The following KCNH1 variants were observed in gnomAD, a reference collection of about 807,000 sequenced individuals.
KCNH1 encodes potassium voltage-gated channel subfamily H member 1.
KCNH1 carries 27 observed loss-of-function variants against 69.2 expected under a neutral mutation model. That is an observed-to-expected ratio of 0.39 (90% CI 0.29 to 0.54). The LOEUF is 0.54. KCNH1 is among the 20% of genes least tolerant of loss of function. The pLI is 0.68. For synonymous variants in KCNH1, 456 were observed against 487.7 expected (o/e 0.93, Z 0.86); for missense variants, 798 against 1,261.6 (o/e 0.63, Z 5.57).
intron 10 of KCNH1, among the ~76,000 whole-genome samples, chr1:210,730,087 G>T (rs940051198): frequency 6.6e-6 from 1 of 152,148 alleles, no homozygotes; most frequent in Non-Finnish European, 1.5e-5. Flanking sequence ...CAGTGGTCTT[G>T]TTTTCCAGAG....
Position 211,082,804 on chromosome 1 carries a change from G to A in KCNH1, c.534C>T (p.Val178=), listed in dbSNP as rs1288411763. ...CCTCTGCCAGGCGGGAGTGCTTGTG[G>A]ACATTCTCGCCTTTTTGCACGCTTG... ...LAPSVQKGEN[V]HKHSRLAEVL... The change falls in exon 5 of 11, where the codon GTC becomes GTT. Residue 178 remains valine, a synonymous_variant. Coordinates refer to ENST00000271751, the MANE Select transcript of KCNH1 (RefSeq NM_172362.3). 6.2e-7 allele frequency: 1 copy of A among 1,614,012 alleles called. No homozygotes were observed. Among genetic ancestry groups the A allele is most frequent in the South Asian group, 1.1e-5 (1 of 91,078 alleles).
intron 6 of KCNH1, among the ~76,000 whole-genome samples, chr1:210,983,178 T>C (rs1290837627): frequency 6.6e-6 from 1 of 152,210 alleles, no homozygotes; most frequent in African/African-American, 2.4e-5. Flanking sequence ...TAGCCATTTG[T>C]CAGATGAGTA....
In KCNH1 at chr1:210,929,272, T is replaced by C. The variant is rs541046963; in HGVS notation, c.1033-9203A>G. On this transcript the variant is annotated intron_variant, in intron 6 of 10. Coordinates refer to ENST00000271751, the MANE Select transcript of KCNH1 (RefSeq NM_172362.3). The stretch of plus-strand genomic sequence containing the variant: ...TCCCTGATGAACATAGATTAAAAAA[T>C]CCTTAACAAAATACTAGCAAACTGA... 3.5e-4 allele frequency among the ~76,000 whole-genome samples: 53 copies of C among 152,056 alleles called. 1 individual carries two copies. Among genetic ancestry groups the C allele is most frequent in the African/African-American group, 1.3e-3 (53 of 41,450 alleles).
Position 211,133,902 on chromosome 1 carries a change from T to A in KCNH1, c.44A>T (p.Asn15Ile). ...CCGAACAATATTCTCCAGAAACGTG[T>A]TTTGAGGGGCCACTAGTCCCCTCCT... ...GGRRGLVAPQ[N>I]TFLENIVRRS... Residue 15 changes from asparagine to isoleucine, a missense_variant, in exon 1 of 11, where the codon AAC becomes ATC. Around this residue, in one of 4 missense-constraint regions of KCNH1, gnomAD observed 266 missense variants for 457.2 expected, o/e 0.58. Coordinates refer to ENST00000271751, the MANE Select transcript of KCNH1 (RefSeq NM_172362.3). The surrounding 1 kb of genome is among the most constrained non-coding windows in gnomAD (Gnocchi z 5.4). 1 of 1,611,820 alleles carries A rather than the reference T, an allele frequency of 6.2e-7. No individual in the cohort carries two copies. The highest frequency in any genetic ancestry group is 8.5e-7 in the Non-Finnish European group (1 of 1,179,148).
chr1:211,062,086 C>G (rs1558587801), intron 5 of KCNH1, among the ~76,000 whole-genome samples: 1 of 152,006 alleles, frequency 6.6e-6, no homozygotes, highest in Non-Finnish European at 1.5e-5. Flanking sequence ...CTGTAATAAC[C>G]AAAATAGCAC....
At chr1:210,736,430 C>G (rs1324448734) in intron 10 of KCNH1, among the ~76,000 whole-genome samples, 1 of 152,028 alleles carries the variant, frequency 6.6e-6, no homozygotes, top group Non-Finnish European at 1.5e-5. Context: ...TGCCTGTAAT[C>G]CCAGCTAGTC....
chr1:211,031,245 T>C (rs983861744), intron 5 of KCNH1, among the ~76,000 whole-genome samples: 1 of 152,108 alleles, frequency 6.6e-6, no homozygotes, highest in Non-Finnish European at 1.5e-5. Context: ...ATTGAGGCAA[T>C]AATTAATAGC....
At chr1:211,101,385 T>C (rs1691254935) in intron 3 of KCNH1, among the ~76,000 whole-genome samples, 1 of 152,202 alleles carries the variant, frequency 6.6e-6, no homozygotes, top group South Asian at 2.1e-4. Context: ...TCAAGTTTCT[T>C]AATTCCTCAA....
intron 10 of KCNH1, among the ~76,000 whole-genome samples, chr1:210,760,978 C>T (rs1016408660): frequency 1.7e-4 from 26 of 152,200 alleles, no homozygotes; most frequent in Admixed American, 1.3e-3. Context: ...AAAGGCCGGG[C>T]GCGGTGGCTC....
At chr1:211,051,610 C>T (rs1690206661) in intron 5 of KCNH1, among the ~76,000 whole-genome samples, 1 of 152,134 alleles carries the variant, frequency 6.6e-6, no homozygotes, top group African/African-American at 2.4e-5. Flanking sequence ...ATAAGTGCCT[C>T]CTGGCTGATG....
Position 210,712,782 on chromosome 1 carries a change from T to G in KCNH1, c.2113-28644A>C, listed in dbSNP as rs76603291. ...CCTGTTATAAGTTCATTGAAAGGGT[T>G]CTGAGAGCTGCATACCCACATTAAC... On this transcript the variant is annotated intron_variant, in intron 10 of 10. Transcript: ENST00000271751. Among the ~76,000 whole-genome samples the G allele has an allele frequency of 0.016, 2,408 of 152,284 alleles. 183 individuals are homozygous for G. The East Asian group carries it at 0.23, about 15-fold the overall frequency.
In KCNH1 at chr1:210,709,742, AAGAGAGAG is replaced by A. The variant is rs35326611; in HGVS notation, c.2113-25612_2113-25605del. Among the ~76,000 whole-genome samples the A allele has an allele frequency of 9.0e-5, 13 of 145,030 alleles. 1 individual carries two copies. Among genetic ancestry groups the A allele is most frequent in the Admixed American group, 2.0e-4 (3 of 14,768 alleles). On this transcript the variant is annotated intron_variant, in intron 10 of 10. Coordinates refer to ENST00000271751, the MANE Select transcript of KCNH1 (RefSeq NM_172362.3). ...GAAAGAAGAGAGAGAGAGAGAGAGAAAGAGAGAGAGAGAGAGAGAGAGAAATGATAGCT... is the reference window on the plus strand; with the variant it reads ...GAAAGAAGAGAGAGAGAGAGAGAGAAAGAGAGAGAGAGAGAAATGATAGCT...
chr1:210,892,717 T>A (rs1034490249), intron 7 of KCNH1, among the ~76,000 whole-genome samples: 1 of 152,104 alleles, frequency 6.6e-6, no homozygotes, highest in Non-Finnish European at 1.5e-5. Flanking sequence ...GAATCTACTA[T>A]CCCCAAACAC....
chr1:210,972,839 A>G (rs545969858), intron 6 of KCNH1, among the ~76,000 whole-genome samples: 4 of 151,906 alleles, frequency 2.6e-5, no homozygotes, highest in African/African-American at 9.7e-5. Context: ...AACCTCTATA[A>G]CAAATCCTTT....
At chr1:210,983,913 G>A (rs1370926674) in intron 6 of KCNH1, among the ~76,000 whole-genome samples, 1 of 152,152 alleles carries the variant, frequency 6.6e-6, no homozygotes, top group African/African-American at 2.4e-5. Context: ...AGCATGGAAT[G>A]TTCTTCCATT....
Position 210,919,497 on chromosome 1 carries a change from A to G in KCNH1, c.1462+143T>C, listed in dbSNP as rs946402688. 2.6e-5 allele frequency: 21 copies of G among 802,418 alleles called. No individual in the cohort carries two copies. The highest frequency in any genetic ancestry group is 3.8e-4 in the Middle Eastern group (1 of 2,662). The allele number at this position is 802,418 out of a possible 1,614,324, so 49.7% of individuals were successfully genotyped here. On this transcript the variant is annotated intron_variant, in intron 7 of 10. Transcript: ENST00000271751. This position sits in a 1 kb window ranked among gnomAD's most constrained non-coding sequence, Gnocchi z 4.2. Reference sequence around the variant, plus strand: ...GTAAGCATATACTGCTTTAATTATCAGGGTAACTGTAAGCCTAGTCTTAAA... The same window carrying G: ...GTAAGCATATACTGCTTTAATTATCGGGGTAACTGTAAGCCTAGTCTTAAA...
Position 210,860,466 on chromosome 1 carries a change from T to C in KCNH1, c.1463-56300A>G, listed in dbSNP as rs917696256. ...TATTCAGAATTCCCATAGCAGTAAC[T>C]GCTTTGTCATCACTACCTTCTTCAT... On this transcript the variant is annotated intron_variant, in intron 7 of 10. Transcript: ENST00000271751. The C allele has an allele frequency of 7.3e-5, 63 of 867,854 alleles. No individual in the cohort carries two copies. The East Asian group carries it at 1.4e-3, about 20-fold the overall frequency. 53.8% of individuals were successfully genotyped at this position (867,854 alleles called of 1,614,324 possible).
chr1:210,905,318 A>G (rs1028988220), intron 7 of KCNH1, among the ~76,000 whole-genome samples: 1 of 152,208 alleles, frequency 6.6e-6, no homozygotes, highest in African/African-American at 2.4e-5. Context: ...AGTTAAGAGT[A>G]GCCCATAGTA....
intron 10 of KCNH1, among the ~76,000 whole-genome samples, chr1:210,711,135 T>A (rs555489433): frequency 6.6e-6 from 1 of 152,304 alleles, no homozygotes; most frequent in South Asian, 2.1e-4. Flanking sequence ...CCTTAGTCTA[T>A]TGCTAGCCAA....
Sources: allele counts gnomAD v4.1 joint callset (sites outside exome capture counted in the v4.1 genomes callset), GRCh38; gene constraint gnomAD v4.1.1; regional missense constraint gnomAD v4.1.1; non-coding constraint Gnocchi (gnomAD v3.1); transcripts MANE v1.5; gene names NCBI Gene and HGNC (gene_info 2026-07-23, HGNC 2026-07-21).